The following SDCCAG8 variants were observed in gnomAD, a reference collection of about 807,000 sequenced individuals.
SDCCAG8 encodes serologically defined colon cancer antigen 8.
Under a neutral mutation model 101.8 loss-of-function variants are expected in SDCCAG8, and 74 were observed. The observed-to-expected ratio is 0.73, with a 90% CI of 0.60 to 0.88. SDCCAG8 has a LOEUF of 0.88. Ranked by LOEUF, SDCCAG8 falls within the 40% of genes least tolerant of loss-of-function variation. The pLI is 0.00. For synonymous variants in SDCCAG8, 281 were observed against 292.9 expected, an observed-to-expected ratio of 0.96 and a Z score of 0.41; for missense variants, 787 against 822.6, an observed-to-expected ratio of 0.96 and a Z score of 0.53.
At chr1:243,284,081 T>G (rs144619607) in intron 4 of SDCCAG8, among the ~76,000 whole-genome samples, 3 of 152,336 alleles carry the variant, frequency 2.0e-5, no homozygotes, top group Non-Finnish European at 4.4e-5. Context: ...TCTGATAATT[T>G]TAACATCTTT....
intron 7 of SDCCAG8, chr1:243,306,502 T>C (rs1322285432): frequency 6.6e-6 from 1 of 152,158 alleles, no homozygotes; most frequent in African/African-American, 2.4e-5. Flanking sequence ...AATTTAAGAT[T>C]ATTTAAAGAG....
In SDCCAG8 at chr1:243,452,850, T is replaced by C. The variant is rs148205587; in HGVS notation, c.1985+26292T>C. ...GATCCAATTATTCTGTGAGGGCTTC[T>C]GTTGTGCCAGGCAAGGTTCTAGGTC... is the stretch of plus-strand genomic sequence containing the variant. On this transcript the variant is annotated intron_variant, in intron 16 of 17. Coordinates refer to ENST00000366541, the MANE Select transcript of SDCCAG8 (RefSeq NM_006642.5). 5.2e-4 allele frequency among the ~76,000 whole-genome samples: 79 copies of C among 152,342 alleles called. No homozygotes were observed. In the East Asian group the frequency reaches 0.014, roughly 26 times the overall value.
chr1:243,415,944 T>C, intron 14 of SDCCAG8, 115 bp downstream of exon 14: 2 of 1,210,204 alleles, frequency 1.7e-6, no homozygotes, highest in Non-Finnish European at 2.3e-6. Context: ...AGGGAGCAGA[T>C]GCTAACTACA....
intron 16 of SDCCAG8, among the ~76,000 whole-genome samples, chr1:243,437,531 C>CTTT (rs931257839): frequency 1.3e-3 from 166 of 129,588 alleles, no homozygotes; most frequent in Non-Finnish European, 5.5e-4. Flanking sequence ...TGGAGGAATT[C>CTTT]TTTTTTTTTT....
intron 13 of SDCCAG8, among the ~76,000 whole-genome samples, chr1:243,383,296 G>T (rs941812891): frequency 7.2e-5 from 11 of 152,164 alleles, no homozygotes; most frequent in Non-Finnish European, 1.6e-4. Context: ...CTGAATTATA[G>T]TATCTTCTGT....
At position 243,263,507 on chromosome 1, in the gene SDCCAG8, G is replaced by A. The variant is rs199941628; in HGVS notation, c.68-6598G>A. Among the ~76,000 whole-genome samples the A allele has an allele frequency of 6.2e-3, 861 of 138,760 alleles. 1 individual carries two copies. The highest frequency in any genetic ancestry group is 9.8e-3 in the Non-Finnish European group (602 of 61,304). The allele number at this position is 138,760 out of a possible 152,430, so 91.0% of individuals were successfully genotyped here. A position where few individuals can be genotyped will look rare whatever the true frequency, so the allele number is the denominator to read the frequency against. On this transcript the variant is annotated intron_variant, in intron 1 of 17. Transcript: ENST00000366541. ...CTATGTTCTTTGCCAGCCTGGCTAGGTTTACTTCTTTTATCAGTGGAAAGT... is the reference window on the plus strand; with the variant it reads ...CTATGTTCTTTGCCAGCCTGGCTAGATTTACTTCTTTTATCAGTGGAAAGT...
intron 12 of SDCCAG8, among the ~76,000 whole-genome samples, chr1:243,357,859 G>A (rs1037298840): frequency 6.6e-6 from 1 of 152,150 alleles, no homozygotes; most frequent in Non-Finnish European, 1.5e-5. Context: ...AGACTTTACA[G>A]TAAATGGTGC....
intron 1 of SDCCAG8, chr1:243,267,605 GAAAAA>G: frequency 4.3e-6 from 2 of 459,812 alleles, no homozygotes; most frequent in East Asian, 4.3e-5. Flanking sequence ...TCCCTCTCAA[GAAAAA>G]AAAAAAAAAA....
chr1:243,323,011 T>C (rs1045217965), intron 9 of SDCCAG8, among the ~76,000 whole-genome samples: 1 of 151,976 alleles, frequency 6.6e-6, no homozygotes, highest in African/African-American at 2.4e-5. Flanking sequence ...GGTGTGCGCC[T>C]GTAGTCCCAG....
At chr1:243,298,609 G>A (rs2071198254) in intron 6 of SDCCAG8, among the ~76,000 whole-genome samples, 1 of 152,190 alleles carries the variant, frequency 6.6e-6, no homozygotes, top group African/African-American at 2.4e-5. Flanking sequence ...AAGCTACCAT[G>A]CCTGGCCTAT....
At chr1:243,429,621 T>A (rs2081577086) in intron 16 of SDCCAG8, among the ~76,000 whole-genome samples, 1 of 151,116 alleles carries the variant, frequency 6.6e-6, no homozygotes, top group South Asian at 2.1e-4. Flanking sequence ...CTTGAACTCC[T>A]GGGCTCAAGT....
chr1:243,487,916 C>G (rs1464576484), intron 16 of SDCCAG8: 1 of 152,544 alleles, frequency 6.6e-6, no homozygotes, highest in African/African-American at 2.4e-5. Flanking sequence ...GGGGCTCGGG[C>G]CCCTGGACCA....
chr1:243,265,745 G>A (rs907524433), intron 1 of SDCCAG8, among the ~76,000 whole-genome samples: 19 of 151,968 alleles, frequency 1.3e-4, no homozygotes, highest in Middle Eastern at 3.4e-3. Flanking sequence ...CCTGGGAGGC[G>A]GAGGTTGCAG....
chr1:243,346,257 A>G (rs535169159), intron 12 of SDCCAG8: 37 of 154,518 alleles, frequency 2.4e-4, no homozygotes, highest in African/African-American at 8.9e-4. Context: ...TTGCTTGGCC[A>G]CCATCTGCAC....
At chr1:243,480,791 G>GGGATGGAT (rs768014106) in intron 16 of SDCCAG8, among the ~76,000 whole-genome samples, 6 of 59,246 alleles carry the variant, frequency 1.0e-4, no homozygotes, top group African/African-American at 4.2e-4. Flanking sequence ...ATGGATGGGT[G>GGGATGGAT]GGATGGATGG....
chr1:243,322,517 T>G (rs1367620188), intron 9 of SDCCAG8, among the ~76,000 whole-genome samples: 1 of 152,222 alleles, frequency 6.6e-6, no homozygotes, highest in Non-Finnish European at 1.5e-5. Flanking sequence ...TGTAACAACT[T>G]AAACAATGGT....
At chr1:243,364,430 C>T (rs917629723) in intron 12 of SDCCAG8, among the ~76,000 whole-genome samples, 9 of 152,142 alleles carry the variant, frequency 5.9e-5, no homozygotes. Flanking sequence ...CTGCTACTCT[C>T]CTTAGGATTT....
intron 12 of SDCCAG8, among the ~76,000 whole-genome samples, chr1:243,349,339 G>C (rs1258487929): frequency 1.3e-5 from 2 of 152,300 alleles, no homozygotes; most frequent in East Asian, 1.9e-4. Context: ...AGTTTTATTA[G>C]AACTCAGCCA....
At chr1:243,345,090 G>A (rs969877260) in intron 12 of SDCCAG8, among the ~76,000 whole-genome samples, 1 of 152,094 alleles carries the variant, frequency 6.6e-6, no homozygotes, top group Non-Finnish European at 1.5e-5. Context: ...GGTTCTTAGT[G>A]TCAATATTTT....
Sources: gnomAD v4.1 joint callset for allele counts (sites outside exome capture counted in the v4.1 genomes callset) on GRCh38, gnomAD v4.1.1 for gene constraint, MANE v1.5 for transcripts, NCBI Gene and HGNC (gene_info 2026-07-23, HGNC 2026-07-21) for gene names.